The following ZNF708 variants were observed in gnomAD, a reference collection of about 807,000 sequenced individuals.
ZNF708 encodes the protein ZNF15, ZNF15L1.
Under a neutral mutation model 47.0 loss-of-function variants are expected in ZNF708, and 44 were observed. That is an observed-to-expected ratio of 0.94 (90% confidence interval 0.74 to 1.20). The LOEUF (loss-of-function observed/expected upper bound fraction) is 1.20, where lower values mean the gene tolerates loss of function less well. Ranked by LOEUF, ZNF708 falls within the 50% of genes most tolerant of loss-of-function variation. The pLI, the probability that ZNF708 is intolerant of heterozygous loss-of-function variation, is 0.00. For synonymous variants in ZNF708, 184 were observed against 218.5 expected, an observed-to-expected ratio of 0.84 and a Z score of 1.39; for missense variants, 557 against 656.0, an observed-to-expected ratio of 0.85 and a Z score of 1.65.
chr19:21,314,351 C>T (rs1375894655), intron 1 of ZNF708, among the ~76,000 whole-genome samples: 1 of 152,052 alleles, frequency 6.6e-6, no homozygotes, highest in Non-Finnish European at 1.5e-5. Flanking sequence ...AAACAAATCT[C>T]TTAAGGTTTT....
chr19:21,294,378 G>A lies in ZNF708; in HGVS notation c.588C>T (p.Tyr196=), dbSNP rs745606186. 6 of 1,614,014 alleles carry A rather than the reference G, an allele frequency of 3.7e-6. No homozygotes were observed. In the South Asian group the frequency reaches 5.5e-5, roughly 15 times the overall value. Residue 196 remains tyrosine (Y), a synonymous_variant, in exon 4 of 4, where the codon TAC becomes TAT. Coordinates refer to ENST00000356929, the MANE Select transcript of ZNF708 (RefSeq NM_021269.3). ...HEIIHTGEKP[Y]KCEECGKAFK... ...AAGCTTTGCCACATTCTTCACATTT[G>A]TAGGGTTTTTCTCCAGTATGAATTA...
intron 3 of ZNF708, among the ~76,000 whole-genome samples, chr19:21,298,135 G>C (rs866304702): frequency 1.3e-5 from 2 of 151,980 alleles, no homozygotes; most frequent in African/African-American, 4.8e-5. Context: ...AAACAAGATG[G>C]AATATTAGCA....
chr19:21,315,489 G>A (rs998360391), intron 1 of ZNF708, among the ~76,000 whole-genome samples: 3 of 152,150 alleles, frequency 2.0e-5, no homozygotes, highest in African/African-American at 7.2e-5. Context: ...GCTCTGGCAC[G>A]TTCCAAATGA....
rs779133798 is a variant in ZNF708, at chr19:21,293,233, G to A, written c.*41C>T. The A allele has an allele frequency of 5.1e-6, 8 of 1,573,204 alleles. No individual in the cohort carries two copies. The South Asian group carries it at 9.3e-5, about 18-fold the overall frequency. ...TTCTCTCCAGTATGAATTATCTTGT[G>A]TTTTAATAAAAGTTGAAAATACACT... On this transcript the variant is annotated 3_prime_UTR_variant, in exon 4 of 4. Coordinates refer to ENST00000356929, the MANE Select transcript of ZNF708 (RefSeq NM_021269.3).
chr19:21,309,682 G>A (rs2145169231), intron 2 of ZNF708, among the ~76,000 whole-genome samples: 1 of 152,110 alleles, frequency 6.6e-6, no homozygotes, highest in East Asian at 1.9e-4. Flanking sequence ...CATCCAGCCT[G>A]AGTGACAGAG....
chr19:21,300,598 T>C (rs1972639077), intron 3 of ZNF708, among the ~76,000 whole-genome samples: 1 of 152,112 alleles, frequency 6.6e-6, no homozygotes, highest in Non-Finnish European at 1.5e-5. Context: ...TCATATTTAA[T>C]TTTGCTTGAC....
chr19:21,297,128 C>T (rs1972540693), intron 3 of ZNF708, among the ~76,000 whole-genome samples: 1 of 149,326 alleles, frequency 6.7e-6, no homozygotes, highest in Admixed American at 6.7e-5. Flanking sequence ...GCAAGACTGT[C>T]TCTCAAAAAA....
At chr19:21,316,372 C>T (rs1034537560) in intron 1 of ZNF708, among the ~76,000 whole-genome samples, 1 of 151,762 alleles carries the variant, frequency 6.6e-6, no homozygotes. Context: ...GTGATCCACC[C>T]GTCTTGGCCT....
At chr19:21,295,686 G>A (rs779168445) in intron 3 of ZNF708, among the ~76,000 whole-genome samples, 41 of 152,046 alleles carry the variant, frequency 2.7e-4, no homozygotes, top group South Asian at 6.2e-4. Context: ...CAGAGGTTGT[G>A]GTGAGCTGAT....
intron 1 of ZNF708, among the ~76,000 whole-genome samples, chr19:21,322,149 T>C (rs1973160897): frequency 6.6e-6 from 1 of 152,250 alleles, no homozygotes; most frequent in Middle Eastern, 3.4e-3. Context: ...AATGCTGTGG[T>C]AAAATTCCTG....
chr19:21,324,014 T>C (rs11879901), intron 1 of ZNF708, among the ~76,000 whole-genome samples: 23,689 of 138,672 alleles, frequency 0.17, 2,161 homozygotes, highest in Non-Finnish European at 0.22. Flanking sequence ...CTGAGGCGGG[T>C]GGATCACAAG....
chr19:21,310,640 T>TAC lies in ZNF708; in HGVS notation c.4-15_4-14dup, dbSNP rs747192673. On this transcript the variant is annotated splice_polypyrimidine_tract_variant and intron_variant, in intron 1 of 3. Coordinates refer to ENST00000356929, the MANE Select transcript of ZNF708 (RefSeq NM_021269.3). ...ATGTCAATGGTCCCTGAAAAACACA[T>TAC]ACACACACACATATTTACCAAGTGG... is the stretch of plus-strand genomic sequence containing the variant. The TAC allele has an allele frequency of 4.0e-6, 6 of 1,481,532 alleles. No homozygotes were observed. Among genetic ancestry groups the TAC allele is most frequent in the South Asian group, 2.8e-5 (2 of 71,726 alleles). The allele number at this position is 1,481,532 out of a possible 1,614,324, so 91.8% of individuals were successfully genotyped here.
chr19:21,317,107 A>G (rs2145179337), intron 1 of ZNF708, among the ~76,000 whole-genome samples: 1 of 128,512 alleles, frequency 7.8e-6, no homozygotes, highest in Non-Finnish European at 1.6e-5. Flanking sequence ...CCCCATCTCT[A>G]CTACAAATAC....
chr19:21,328,129 G>A (rs1236846338), intron 1 of ZNF708: 2 of 381,136 alleles, frequency 5.2e-6, no homozygotes, highest in Admixed American at 1.3e-4. Context: ...AGTTTCCAAA[G>A]AAAAACCTTC....
chr19:21,315,926 C>T (rs1480048093), intron 1 of ZNF708, among the ~76,000 whole-genome samples: 1 of 151,496 alleles, frequency 6.6e-6, no homozygotes, highest in South Asian at 2.1e-4. Flanking sequence ...GATTATTAGC[C>T]AGGCATGGTG....
Position 21,320,652 on chromosome 19 carries a change from C to T in ZNF708, c.3+8558G>A, listed in dbSNP as rs536841156. Among the ~76,000 whole-genome samples, 3 of 151,964 alleles carry T rather than the reference C, an allele frequency of 2.0e-5. No homozygotes were observed. The South Asian group carries it at 6.3e-4, about 32-fold the overall frequency. On this transcript the variant is annotated intron_variant, in intron 1 of 3. Coordinates refer to ENST00000356929, the MANE Select transcript of ZNF708 (RefSeq NM_021269.3). ...AGGCTGCAATGAGCAGTCATCGCAC[C>T]ACTGCACTCCAGCCTGAGTGACAGA...
At chr19:21,294,866 A>AT in intron 3 of ZNF708, 127 bp from the exon 4 acceptor site, 5 of 936,354 alleles carry the variant, frequency 5.3e-6, no homozygotes, top group Non-Finnish European at 7.6e-6. Flanking sequence ...AATCCTTTAT[A>AT]GACATATAAA....
rs1359005661 is a variant in ZNF708 at position 21,316,139 on chromosome 19, T to TC, written c.4-5513_4-5512insG. On this transcript the variant is annotated intron_variant, in intron 1 of 3. Coordinates refer to ENST00000356929, the MANE Select transcript of ZNF708 (RefSeq NM_021269.3). ...TTCTTTTCTTTTCTTTTTTCTTTTTTTTTTTTTTTTTGAGACAGGGTTTCG... is the reference window on the plus strand; with the variant it reads ...TTCTTTTCTTTTCTTTTTTCTTTTTTCTTTTTTTTTTTGAGACAGGGTTTCG... Among the ~76,000 whole-genome samples the TC allele has an allele frequency of 5.0e-5, 7 of 139,640 alleles. No individual in the cohort carries two copies. The East Asian group carries it at 6.0e-4, about 12-fold the overall frequency. 91.6% of individuals were successfully genotyped at this position (139,640 alleles called of 152,430 possible).
At position 21,310,597 on chromosome 19, in the gene ZNF708, C is replaced by T; in HGVS notation, c.34G>A (p.Glu12Lys). Residue 12 changes from glutamate to lysine, a missense_variant, in exon 2 of 4, where the codon GAA (glutamate) becomes AAA (lysine). Physicochemically the swap from Glu to Lys is moderately conservative, Grantham distance 56. Transcript: ENST00000356929. ...CACTGCCACTCCTCCAGAGAGAATTCTATGGCCACATCCATAAATGTCAAT... is the reference window on the plus strand; with the variant it reads ...CACTGCCACTCCTCCAGAGAGAATTTTATGGCCACATCCATAAATGTCAAT... ...GPLTFMDVAI[E>K]FSLEEWQCLD... The T allele has an allele frequency of 6.5e-7, 1 of 1,547,878 alleles. No individual in the cohort carries two copies.
Sources: gnomAD v4.1 joint callset for allele counts (sites outside exome capture counted in the v4.1 genomes callset) on GRCh38, gnomAD v4.1.1 for gene constraint, MANE v1.5 for transcripts, NCBI Gene and HGNC (gene_info 2026-07-23, HGNC 2026-07-21) for gene names.